The following TRMT11 variants were observed in gnomAD, a reference collection of about 807,000 sequenced individuals.
TRMT11 encodes tRNA methyltransferase 11.
TRMT11 carries 53 observed loss-of-function variants against 62.8 expected under a neutral mutation model. That is an observed-to-expected ratio of 0.84 (90% confidence interval 0.68 to 1.06). The LOEUF (loss-of-function observed/expected upper bound fraction) is 1.06, where lower values mean the gene tolerates loss of function less well. Ranked by LOEUF, TRMT11 falls within the 50% of genes least tolerant of loss-of-function variation. The pLI, the probability that TRMT11 is intolerant of heterozygous loss-of-function variation, is 0.00. For synonymous variants in TRMT11, 188 were observed against 190.3 expected (o/e 0.99, Z 0.10); for missense variants, 556 against 553.4 (o/e 1.00, Z -0.05).
At chr6:126,006,130 A>G (rs1036588893) in intron 7 of TRMT11, among the ~76,000 whole-genome samples, 7 of 151,986 alleles carry the variant, frequency 4.6e-5, no homozygotes, top group Admixed American at 3.3e-4. Context: ...TTTTTTTCCC[A>G]CTACCCTTTG....
intron 8 of TRMT11, among the ~76,000 whole-genome samples, chr6:126,009,954 C>T (rs1793933384): frequency 6.6e-6 from 1 of 151,728 alleles, no homozygotes. Flanking sequence ...TTAGGTATAC[C>T]CTCTGTTTCC....
intron 21 of TRMT11, among the ~76,000 whole-genome samples, chr6:126,167,464 A>G (rs549071784): frequency 1.6e-4 from 24 of 152,250 alleles, no homozygotes; most frequent in African/African-American, 5.8e-4. Flanking sequence ...ACCAGTCCCA[A>G]TGAGACGAAG....
chr6:126,133,654 A>G (rs751636156), intron 21 of TRMT11, among the ~76,000 whole-genome samples: 8 of 151,972 alleles, frequency 5.3e-5, no homozygotes, highest in Admixed American at 6.6e-5. Flanking sequence ...TCTGTCTTGT[A>G]TTTCTCAGGA....
chr6:126,247,645 G>A, the TRMT11 span, among the ~76,000 whole-genome samples: 1 of 149,900 alleles, frequency 6.7e-6, no homozygotes, highest in Non-Finnish European at 1.5e-5. Context: ...GGAATATGAT[G>A]CCTGAAAATA....
chr6:126,084,119 T>C (rs1311378912), intron 17 of TRMT11, among the ~76,000 whole-genome samples: 1 of 152,202 alleles, frequency 6.6e-6, no homozygotes, highest in Non-Finnish European at 1.5e-5. Flanking sequence ...GAAAATAGAT[T>C]GCTGGGTCAT....
chr6:126,210,980 CTTTTTT>C, the TRMT11 span, among the ~76,000 whole-genome samples: 2 of 131,696 alleles, frequency 1.5e-5, no homozygotes, highest in African/African-American at 2.8e-5. Flanking sequence ...ATAACATTCC[CTTTTTT>C]TTTTTTTTTT....
chr6:126,241,445 G>C, the TRMT11 span, among the ~76,000 whole-genome samples: 28 of 152,290 alleles, frequency 1.8e-4, 1 homozygote, highest in East Asian at 5.4e-3. Context: ...CTCATTTTAT[G>C]AGGCCAGCAT....
At chr6:126,077,495 T>C (rs1777053836) in intron 17 of TRMT11, among the ~76,000 whole-genome samples, 1 of 152,174 alleles carries the variant, frequency 6.6e-6, no homozygotes, top group Non-Finnish European at 1.5e-5. Context: ...TCCTTTCTTG[T>C]GTAATTTCTT....
chr6:126,055,858 G>C (rs1776356670), intron 17 of TRMT11, among the ~76,000 whole-genome samples: 1 of 151,970 alleles, frequency 6.6e-6, no homozygotes, highest in Admixed American at 6.6e-5. Context: ...AAATTTACAT[G>C]GTTTGAAATT....
the TRMT11 span, among the ~76,000 whole-genome samples, chr6:126,233,089 C>T: frequency 3.9e-5 from 6 of 152,208 alleles, no homozygotes; most frequent in East Asian, 3.9e-4. Flanking sequence ...GTTAATAGAA[C>T]GTACGTTTTG....
chr6:126,108,744 A>C (rs1208912740), intron 17 of TRMT11, among the ~76,000 whole-genome samples: 1 of 152,200 alleles, frequency 6.6e-6, no homozygotes, highest in Non-Finnish European at 1.5e-5. Flanking sequence ...TAAATGTAGA[A>C]AGATGGACAG....
At chr6:125,995,923 A>T (rs760831865) in intron 2 of TRMT11, 44 bp from the exon 3 acceptor site, 1 of 1,208,092 alleles carries the variant, frequency 8.3e-7, no homozygotes. Flanking sequence ...ATATGAGGCC[A>T]TGTAGCCACT....
chr6:126,142,038 A>G (rs1777922455), intron 21 of TRMT11, among the ~76,000 whole-genome samples: 1 of 152,054 alleles, frequency 6.6e-6, no homozygotes, highest in African/African-American at 2.4e-5. Flanking sequence ...TGTCCTTTTT[A>G]TACTTCCTTG....
intron 17 of TRMT11, among the ~76,000 whole-genome samples, chr6:126,101,172 A>T (rs1777395845): frequency 6.6e-6 from 1 of 152,126 alleles, no homozygotes; most frequent in Admixed American, 6.5e-5. Flanking sequence ...AGGGGTAGAG[A>T]ACCCTTGTTA....
At chr6:126,258,164 C>T in the TRMT11 span, 2 of 734,770 alleles carry the variant, frequency 2.7e-6, no homozygotes, top group East Asian at 2.8e-5. Flanking sequence ...GGTTGAGGCA[C>T]TTTGTAGCTC....
At chr6:126,208,450 A>G (rs1237114649), downstream of TRMT11, among the ~76,000 whole-genome samples, 1 of 152,120 alleles carries the variant, frequency 6.6e-6, no homozygotes, top group Non-Finnish European at 1.5e-5. Context: ...ATTGATTTAG[A>G]CTCAGTAAAA....
the TRMT11 span, among the ~76,000 whole-genome samples, chr6:126,268,072 C>T: frequency 6.6e-6 from 1 of 152,148 alleles, no homozygotes; most frequent in African/African-American, 2.4e-5. Flanking sequence ...GCTCCTTAAA[C>T]TAAATTAGGT....
intron 21 of TRMT11, among the ~76,000 whole-genome samples, chr6:126,169,132 A>G (rs369216656): frequency 1.3e-4 from 20 of 152,322 alleles, no homozygotes; most frequent in African/African-American, 4.3e-4. Flanking sequence ...ATTTCTGCAT[A>G]CTGGAACTGG....
intron 21 of TRMT11, among the ~76,000 whole-genome samples, chr6:126,119,535 G>T (rs535223613): frequency 1.3e-5 from 2 of 151,720 alleles, no homozygotes; most frequent in East Asian, 1.9e-4. Flanking sequence ...TTGGGGAAAG[G>T]TGTGGAAAGA....
Sources: gnomAD v4.1 joint callset for allele counts (sites outside exome capture counted in the v4.1 genomes callset) on GRCh38, gnomAD v4.1.1 for gene constraint, MANE v1.5 for transcripts, NCBI Gene and HGNC (gene_info 2026-07-23, HGNC 2026-07-21) for gene names.